BRINP3: variants seen among roughly 807,000 people sequenced by gnomAD.
BRINP3 encodes the protein BMP/retinoic acid-inducible neural-specific protein 3.
A neutral mutation model predicts 71.0 loss-of-function variants in BRINP3; 19 were observed. The ratio of observed to expected loss-of-function variants is 0.27; its 90% CI spans 0.19 to 0.39. BRINP3 has a LOEUF of 0.39. BRINP3 is among the 10% of genes least tolerant of loss of function. BRINP3 has a pLI of 1.00. For missense variants in BRINP3, 959 were observed against 940.8 expected (o/e 1.02, Z -0.25); for synonymous variants, 380 against 337.7 (o/e 1.13, Z -1.37).
intron 2 of BRINP3, among the ~76,000 whole-genome samples, chr1:190,408,399 T>C (rs1292327162): frequency 1.3e-5 from 2 of 152,104 alleles, no homozygotes; most frequent in East Asian, 1.9e-4. Context: ...TGGATTTAAA[T>C]TATTTTTTTT....
At chr1:190,347,791 C>G (rs1019440841) in intron 2 of BRINP3, among the ~76,000 whole-genome samples, 4 of 152,020 alleles carry the variant, frequency 2.6e-5, no homozygotes, top group African/African-American at 9.7e-5. Context: ...TGGAATAGAG[C>G]TTGCTTTATT....
chr1:190,398,469 T>A (rs2102343277), intron 2 of BRINP3, among the ~76,000 whole-genome samples: 1 of 152,122 alleles, frequency 6.6e-6, no homozygotes, highest in East Asian at 1.9e-4. Context: ...TTGTGTCTCA[T>A]GTACTAAGTA....
intron 2 of BRINP3, among the ~76,000 whole-genome samples, chr1:190,334,708 G>A (rs1279139035): frequency 6.6e-6 from 1 of 151,692 alleles, no homozygotes; most frequent in African/African-American, 2.4e-5. Flanking sequence ...ATGTAATTAG[G>A]TCTCTGAAAC....
At chr1:190,153,151 C>A (rs1042865944) in intron 7 of BRINP3, among the ~76,000 whole-genome samples, 1 of 152,072 alleles carries the variant, frequency 6.6e-6, no homozygotes, top group African/African-American at 2.4e-5. Flanking sequence ...GGTACATGCA[C>A]GATTTTTTTT....
At chr1:190,465,122 A>G (rs1676653373) in intron 1 of BRINP3, among the ~76,000 whole-genome samples, 1 of 151,916 alleles carries the variant, frequency 6.6e-6, no homozygotes, top group Non-Finnish European at 1.5e-5. Context: ...CCCAAATACA[A>G]GAATCACCTA....
At chr1:190,473,446 T>A (rs978655496) in intron 1 of BRINP3, among the ~76,000 whole-genome samples, 63 of 151,848 alleles carry the variant, frequency 4.1e-4, no homozygotes, top group Middle Eastern at 3.5e-3. Context: ...TAAAACTATT[T>A]CCAGAGATAA....
chr1:190,435,707 A>G (rs1204543798), intron 2 of BRINP3, among the ~76,000 whole-genome samples: 4 of 151,972 alleles, frequency 2.6e-5, no homozygotes, highest in South Asian at 4.1e-4. Flanking sequence ...CAAGAAACTT[A>G]TTTGTATGGG....
chr1:190,250,106 T>C (rs1005254506), intron 4 of BRINP3, among the ~76,000 whole-genome samples: 3 of 151,902 alleles, frequency 2.0e-5, no homozygotes, highest in Admixed American at 6.6e-5. Flanking sequence ...CTCAACCTTT[T>C]ACAATCCACC....
chr1:190,307,223 C>T (rs1665168086), intron 2 of BRINP3, among the ~76,000 whole-genome samples: 1 of 146,586 alleles, frequency 6.8e-6, no homozygotes, highest in South Asian at 2.2e-4. Context: ...TTTTTTAATG[C>T]CCTATGACGA....
chr1:190,472,987 T>C (rs1464174284), intron 1 of BRINP3, among the ~76,000 whole-genome samples: 1 of 151,900 alleles, frequency 6.6e-6, no homozygotes, highest in African/African-American at 2.4e-5. Context: ...TAAGATATCC[T>C]ATGAGAGGAT....
intron 2 of BRINP3, among the ~76,000 whole-genome samples, chr1:190,411,364 T>G (rs1672653064): frequency 6.6e-6 from 1 of 152,080 alleles, no homozygotes; most frequent in Admixed American, 6.5e-5. Context: ...CAGAATATAT[T>G]TATAACCTTA....
intron 2 of BRINP3, among the ~76,000 whole-genome samples, chr1:190,371,875 C>G (rs1269465858): frequency 6.6e-6 from 1 of 152,082 alleles, no homozygotes; most frequent in African/African-American, 2.4e-5. Flanking sequence ...CACATCTCCA[C>G]CTTGGAATAT....
At chr1:190,099,763 C>A (rs1313235472) in intron 7 of BRINP3, among the ~76,000 whole-genome samples, 5 of 152,276 alleles carry the variant, frequency 3.3e-5, no homozygotes, top group Admixed American at 2.6e-4. Context: ...TTCTTACAGG[C>A]TGCTCAAGAA....
Position 190,456,964 on chromosome 1 carries a change from T to C in BRINP3, c.-50-2024A>G, listed in dbSNP as rs563884518. ...AATGTAGATGTGAACAAGAATATTA[T>C]TGAAAAAATTCAAACAGTACTTATT... is the stretch of plus-strand genomic sequence containing the variant. On this transcript the variant is annotated intron_variant, in intron 1 of 7. Transcript: ENST00000367462. Among the ~76,000 whole-genome samples, 8 of 152,288 alleles carry C rather than the reference T, an allele frequency of 5.3e-5. No individual in the cohort carries two copies. The East Asian group carries it at 7.7e-4, about 15-fold the overall frequency.
chr1:190,475,948 A>C (rs1271494200), intron 1 of BRINP3: 1 of 152,308 alleles, frequency 6.6e-6, no homozygotes, highest in Non-Finnish European at 1.5e-5. Context: ...GAAGTCACGG[A>C]CTCTGATGGC....
chr1:190,163,224 T>G (rs576669675), intron 6 of BRINP3, among the ~76,000 whole-genome samples: 2 of 152,192 alleles, frequency 1.3e-5, no homozygotes, highest in South Asian at 2.1e-4. Flanking sequence ...TTGTTAGGGA[T>G]GCCAGATAAC....
chr1:190,177,683 C>A (rs1652667660), intron 6 of BRINP3, among the ~76,000 whole-genome samples: 1 of 152,004 alleles, frequency 6.6e-6, no homozygotes, highest in African/African-American at 2.4e-5. Flanking sequence ...AAAACAGAAC[C>A]AAAATTTATA....
chr1:190,260,239 T>G (rs1238946594), intron 4 of BRINP3, among the ~76,000 whole-genome samples: 1 of 151,958 alleles, frequency 6.6e-6, no homozygotes, highest in Non-Finnish European at 1.5e-5. Context: ...ACATGAAGAT[T>G]ATAGTTAAAA....
intron 2 of BRINP3, among the ~76,000 whole-genome samples, chr1:190,446,648 T>A (rs189614292): frequency 6.6e-6 from 1 of 152,216 alleles, no homozygotes; most frequent in Admixed American, 6.5e-5. Flanking sequence ...ATGTTTCCAT[T>A]TTGCTTTTGA....
Sources: allele counts gnomAD v4.1 joint callset (sites outside exome capture counted in the v4.1 genomes callset), GRCh38; gene constraint gnomAD v4.1.1; transcripts MANE v1.5; gene names NCBI Gene and HGNC (gene_info 2026-07-23, HGNC 2026-07-21).